PCDH11Y: variants seen among roughly 807,000 people sequenced by gnomAD.
The protein encoded by PCDH11Y is protocadherin 11 Y-linked.
For synonymous variants in PCDH11Y, 9 were observed against 83.6 expected, an observed-to-expected ratio of 0.11 and a Z score of 4.87; for missense variants, 12 against 224.8, an observed-to-expected ratio of 0.05 and a Z score of 6.05.
intron 1 of PCDH11Y, among the ~76,000 whole-genome samples, chrY:5,096,960 G>T (rs2052753103): frequency 9.5e-5 from 2 of 21,131 alleles, no homozygotes; most frequent in African/African-American, 3.8e-4. Flanking sequence ...TGATCCGCCC[G>T]CCTCGGCCTC....
chrY:5,004,351 A>G, intron 1 of PCDH11Y, among the ~76,000 whole-genome samples: 10 of 33,721 alleles, frequency 3.0e-4, no homozygotes, highest in Non-Finnish European at 5.2e-4. Flanking sequence ...GGCAGAAGGG[A>G]TTGCAGGTTT....
At chrY:5,168,866 C>G in intron 2 of PCDH11Y, among the ~76,000 whole-genome samples, 1 of 28,193 alleles carries the variant, frequency 3.5e-5, no homozygotes, top group African/African-American at 1.4e-4. Context: ...TGCTAATGTA[C>G]TGGCAGTCAA....
intron 4 of PCDH11Y, among the ~76,000 whole-genome samples, chrY:5,646,671 G>A (rs2053527505): frequency 3.2e-5 from 1 of 31,152 alleles, no homozygotes; most frequent in Non-Finnish European, 7.8e-5. Flanking sequence ...AAAAAAAAAA[G>A]TATTATGATT....
At chrY:5,059,912 A>G in intron 1 of PCDH11Y, among the ~76,000 whole-genome samples, 1 of 33,320 alleles carries the variant, frequency 3.0e-5, no homozygotes, top group Non-Finnish European at 7.4e-5. Flanking sequence ...GCAGACAGCC[A>G]TGACATGGGC....
chrY:5,452,233 A>G (rs2053293790), intron 2 of PCDH11Y, among the ~76,000 whole-genome samples: 2 of 33,571 alleles, frequency 6.0e-5, no homozygotes, highest in African/African-American at 2.3e-4. Context: ...TCATAATTCA[A>G]TTTTCTAAGA....
At chrY:5,314,620 A>G (rs2053105292) in intron 2 of PCDH11Y, among the ~76,000 whole-genome samples, 1 of 28,512 alleles carries the variant, frequency 3.5e-5, no homozygotes, top group Non-Finnish European at 8.1e-5. Flanking sequence ...CAAGATGATC[A>G]TCCTTATTTT....
chrY:5,285,357 T>C, intron 2 of PCDH11Y, among the ~76,000 whole-genome samples: 1 of 33,134 alleles, frequency 3.0e-5, no homozygotes, highest in Non-Finnish European at 7.5e-5. Flanking sequence ...GGTGCTATGA[T>C]GAACATACAT....
At chrY:5,616,908 A>G in intron 4 of PCDH11Y, among the ~76,000 whole-genome samples, 1 of 32,799 alleles carries the variant, frequency 3.0e-5, no homozygotes, top group Non-Finnish European at 7.5e-5. Context: ...ATGTGTTTAT[A>G]TATATTTAGT....
chrY:5,158,352 GAGAGTCCT>G (rs2052871722), intron 2 of PCDH11Y, among the ~76,000 whole-genome samples: 1 of 26,472 alleles, frequency 3.8e-5, no homozygotes, highest in South Asian at 9.1e-4. Context: ...TTTCCTGCCT[GAGAGTCCT>G]AGATAAATTA....
At chrY:5,001,526 G>A in intron 1 of PCDH11Y, among the ~76,000 whole-genome samples, 2 of 33,842 alleles carry the variant, frequency 5.9e-5, no homozygotes, top group Non-Finnish European at 1.5e-4. Flanking sequence ...AACAGTTCAC[G>A]TCCTCACAAA....
At chrY:5,143,405 G>A in intron 2 of PCDH11Y, among the ~76,000 whole-genome samples, 2 of 33,206 alleles carry the variant, frequency 6.0e-5, no homozygotes, top group Non-Finnish European at 1.5e-4. Context: ...ATAAATTAAC[G>A]TTCAGATATT....
chrY:5,314,066 G>A, intron 2 of PCDH11Y, among the ~76,000 whole-genome samples: 1 of 33,583 alleles, frequency 3.0e-5, no homozygotes, highest in Non-Finnish European at 7.4e-5. Context: ...TATGGGAGGG[G>A]AATATCTGAA....
chrY:5,633,727 T>A, intron 4 of PCDH11Y, among the ~76,000 whole-genome samples: 1 of 31,898 alleles, frequency 3.1e-5, no homozygotes, highest in Non-Finnish European at 7.6e-5. Context: ...TGAATCCCCA[T>A]CTTTACTAAA....
At chrY:5,193,000 C>A in intron 2 of PCDH11Y, among the ~76,000 whole-genome samples, 1 of 32,029 alleles carries the variant, frequency 3.1e-5, no homozygotes, top group African/African-American at 1.2e-4. Flanking sequence ...TGTAAATAGT[C>A]TTTTTCTCTC....
intron 4 of PCDH11Y, among the ~76,000 whole-genome samples, chrY:5,613,156 A>G (rs2053489718): frequency 6.3e-5 from 2 of 31,717 alleles, no homozygotes; most frequent in African/African-American, 2.5e-4. Context: ...GTGAACCACC[A>G]CACCCGGCTG....
chrY:5,404,582 C>T (rs2053237043), intron 2 of PCDH11Y, among the ~76,000 whole-genome samples: 2 of 32,747 alleles, frequency 6.1e-5, no homozygotes, highest in Non-Finnish European at 7.5e-5. Context: ...ATCACTTTCA[C>T]GGATTCACTC....
intron 2 of PCDH11Y, among the ~76,000 whole-genome samples, chrY:5,340,779 T>C: frequency 2.9e-5 from 1 of 34,098 alleles, no homozygotes; most frequent in South Asian, 6.4e-4. Context: ...CTTGAAGGTA[T>C]GTTTTATTAA....
chrY:5,643,987 A>T, intron 4 of PCDH11Y, among the ~76,000 whole-genome samples: 1 of 33,169 alleles, frequency 3.0e-5, no homozygotes, highest in Non-Finnish European at 7.4e-5. Flanking sequence ...TTAACTTAAT[A>T]GCAGCATAGA....
At chrY:5,266,086 C>T in intron 2 of PCDH11Y, among the ~76,000 whole-genome samples, 2 of 32,111 alleles carry the variant, frequency 6.2e-5, no homozygotes, top group African/African-American at 1.2e-4. Flanking sequence ...ACATTAAAAA[C>T]GTCAATGTAA....
Sources: gnomAD v4.1 joint callset for allele counts (sites outside exome capture counted in the v4.1 genomes callset) on GRCh38, gnomAD v4.1.1 for gene constraint, MANE v1.5 for transcripts, NCBI Gene and HGNC (gene_info 2026-07-23, HGNC 2026-07-21) for gene names.